AXIN1: variants seen among roughly 807,000 people sequenced by gnomAD.
AXIN1 encodes axin-1.
AXIN1 carries 30 observed loss-of-function variants against 76.4 expected under a neutral mutation model. That is an observed-to-expected ratio of 0.39 (90% confidence interval 0.29 to 0.53). The LOEUF (loss-of-function observed/expected upper bound fraction) is 0.53, where lower values mean the gene tolerates loss of function less well. Ranked by LOEUF, AXIN1 falls within the 20% of genes least tolerant of loss-of-function variation. AXIN1 has a pLI of 0.66. For missense variants in AXIN1, 1,140 were observed against 1,198.8 expected (o/e 0.95, Z 0.72); for synonymous variants, 545 against 501.4 (o/e 1.09, Z -1.16).
Position 296,496 on chromosome 16 carries a change from C to T in AXIN1, c.1955+560G>A, listed in dbSNP as rs534574621. ...CGGGCACGAGTGCAGGCCCAGGGGG[C>T]GAGCAGGAGCAACACCAAGACCGGC... On this transcript the variant is annotated intron_variant, in intron 7 of 10. Coordinates refer to ENST00000262320, the MANE Select transcript of AXIN1 (RefSeq NM_003502.4). Among the ~76,000 whole-genome samples the T allele has an allele frequency of 1.3e-4, 20 of 152,286 alleles. No individual in the cohort carries two copies. The East Asian group carries it at 3.7e-3, about 28-fold the overall frequency.
chr16:298,666 C>A (rs1306948432), intron 5 of AXIN1, among the ~76,000 whole-genome samples: 1 of 152,178 alleles, frequency 6.6e-6, no homozygotes, highest in Non-Finnish European at 1.5e-5. Flanking sequence ...TGCCACCACG[C>A]CCAGCTAATT....
chr16:340,599 T>A (rs2053897087), intron 2 of AXIN1, among the ~76,000 whole-genome samples: 1 of 152,188 alleles, frequency 6.6e-6, no homozygotes, highest in African/African-American at 2.4e-5. Context: ...TGCCTGCTGA[T>A]CCACACCGCT....
In AXIN1 at chr16:293,480, G is replaced by A. The variant is rs760350122; in HGVS notation, c.2186+8C>T. On this transcript the variant is annotated splice_region_variant and intron_variant, in intron 8 of 10. Coordinates refer to ENST00000262320, the MANE Select transcript of AXIN1 (RefSeq NM_003502.4). This position sits in a 1 kb window ranked among gnomAD's most constrained non-coding sequence, Gnocchi z 4.6. ...CAAGACCCACCCCACCCCACGACGCGGCCGTACCTCTGCTTGGAGGGTGCT... is the reference window on the plus strand; with the variant it reads ...CAAGACCCACCCCACCCCACGACGCAGCCGTACCTCTGCTTGGAGGGTGCT... 4.9e-5 allele frequency: 79 copies of A among 1,607,732 alleles called. No homozygotes were observed. The highest frequency in any genetic ancestry group is 2.5e-4 in the Admixed American group (15 of 60,002).
intron 4 of AXIN1, among the ~76,000 whole-genome samples, chr16:305,700 T>TGC (rs2053003441): frequency 2.0e-5 from 3 of 151,914 alleles, no homozygotes; most frequent in Non-Finnish European, 4.4e-5. Flanking sequence ...CCTGCCACCA[T>TGC]GCCCGGCTAA....
intron 2 of AXIN1, among the ~76,000 whole-genome samples, chr16:341,581 C>T (rs950722843): frequency 1.3e-5 from 2 of 152,254 alleles, no homozygotes; most frequent in Non-Finnish European, 2.9e-5. Flanking sequence ...CCGAGTCTCC[C>T]CGACGAGCGC....
chr16:291,107 G>A (rs1269444669), intron 9 of AXIN1, 83 bp downstream of exon 9: 1 of 1,333,966 alleles, frequency 7.5e-7, no homozygotes, highest in African/African-American at 1.5e-5. Flanking sequence ...CAAGCCCCGG[G>A]ACGGCGGCTC....
chr16:333,754 T>C (rs374933478), intron 2 of AXIN1, among the ~76,000 whole-genome samples: 2 of 152,032 alleles, frequency 1.3e-5, no homozygotes, highest in South Asian at 2.1e-4. Flanking sequence ...CAAGTTCTTT[T>C]GGCATGAGCG....
intron 8 of AXIN1, 66 bp from the exon 9 acceptor site, chr16:291,363 A>C: frequency 7.4e-7 from 1 of 1,349,970 alleles, no homozygotes; most frequent in Non-Finnish European, 1.0e-6. Flanking sequence ...GGGAGCCTCG[A>C]CCAATGCTGC....
At chr16:307,017 C>T (rs1163581256) in intron 4 of AXIN1, among the ~76,000 whole-genome samples, 1 of 152,244 alleles carries the variant, frequency 6.6e-6, no homozygotes, top group Non-Finnish European at 1.5e-5. Context: ...GCTGGCTTTT[C>T]CGTGCCCAGT....
chr16:321,858 C>T (rs2053466608), intron 2 of AXIN1, among the ~76,000 whole-genome samples: 1 of 152,246 alleles, frequency 6.6e-6, no homozygotes, highest in African/African-American at 2.4e-5. Context: ...ACAGCCTTGC[C>T]CTTCGTTGAC....
intron 2 of AXIN1, among the ~76,000 whole-genome samples, chr16:321,991 C>G (rs959079727): frequency 1.3e-5 from 2 of 152,328 alleles, no homozygotes; most frequent in Middle Eastern, 3.4e-3. Flanking sequence ...GCTGGAAACA[C>G]ACATCTGTGA....
At chr16:326,892 A>C (rs528359627) in intron 2 of AXIN1, among the ~76,000 whole-genome samples, 56 of 151,370 alleles carry the variant, frequency 3.7e-4, no homozygotes, top group African/African-American at 1.4e-3. Context: ...TGTAATCCCA[A>C]CAGTTTGGGA....
intron 1 of AXIN1, among the ~76,000 whole-genome samples, chr16:350,274 C>T (rs907120202): frequency 7.2e-5 from 11 of 151,968 alleles, no homozygotes; most frequent in African/African-American, 2.7e-4. Flanking sequence ...TCTGGGTTCC[C>T]ACAGGGAAGC....
intron 2 of AXIN1, among the ~76,000 whole-genome samples, chr16:319,265 G>C (rs959802204): frequency 6.6e-6 from 1 of 152,162 alleles, no homozygotes; most frequent in Non-Finnish European, 1.5e-5. Context: ...TGGAGCCCGG[G>C]AGTCTGCAGT....
rs544629330 is a variant in AXIN1, at chr16:298,090, G to C, written c.1416C>G (p.Asp472Glu). Residue 472 changes from aspartate (D) to glutamate (E), a missense_variant, in exon 6 of 11, where the codon GAC becomes GAG. Physicochemically the swap from Asp to Glu is conservative, Grantham distance 45. This residue lies in a region of AXIN1 where 708 missense variants were observed against 776.9 expected (regional missense o/e 0.91). Transcript: ENST00000262320. ...TCCTCAGCACACGCTGTACGTGCTC[G>C]TCCAGGATGCTCTCAGGGTTCTCCT... ...AHEENPESIL[D>E]EHVQRVLRTP... The C allele has an allele frequency of 6.4e-6, 10 of 1,553,016 alleles. No homozygotes were observed. The highest frequency in any genetic ancestry group is 8.7e-6 in the Non-Finnish European group (10 of 1,152,970).
intron 2 of AXIN1, among the ~76,000 whole-genome samples, chr16:337,773 GC>G (rs2141674581): frequency 6.6e-6 from 1 of 152,376 alleles, no homozygotes; most frequent in African/African-American, 2.4e-5. Context: ...TCCGGACAGG[GC>G]CCAGGGTCCT....
Position 298,190 on chromosome 16 carries a change from G to C in AXIN1, c.1316C>G (p.Pro439Arg). 1 of 1,541,918 alleles carries C rather than the reference G, an allele frequency of 6.5e-7. No individual in the cohort carries two copies. Among genetic ancestry groups the C allele is most frequent in the Non-Finnish European group, 8.7e-7 (1 of 1,147,326 alleles). Residue 439 changes from proline (P) to arginine (R), a missense_variant, in exon 6 of 11, where the codon CCT becomes CGT. By Grantham distance (103) the Pro-to-Arg change is moderately radical. This residue lies in a region of AXIN1 where 708 missense variants were observed against 776.9 expected (regional missense o/e 0.91). Transcript: ENST00000262320. ...GAAGTGGTGCCAAGCGGGGGCGGGA[G>C]GCAGCTTGTGACACGGCCCTGGGGG... ...SGPPGPCHKL[P>R]PAPAWHHFPP...
At chr16:319,156 C>T (rs61712267) in intron 2 of AXIN1, among the ~76,000 whole-genome samples, 3,387 of 152,200 alleles carry the variant, frequency 0.022, 147 homozygotes, top group African/African-American at 0.077. Flanking sequence ...ACAGACTCCT[C>T]GCAACTCTTC....
intron 4 of AXIN1, 120 bp downstream of exon 4, chr16:309,853 C>G (rs539080357): frequency 5.3e-6 from 5 of 936,718 alleles, no homozygotes; most frequent in African/African-American, 4.9e-5. Flanking sequence ...CACACGCTTA[C>G]GCCTAGAGGT....
Sources: gnomAD v4.1 joint callset for allele counts (sites outside exome capture counted in the v4.1 genomes callset) on GRCh38, gnomAD v4.1.1 for gene constraint, gnomAD v4.1.1 regional missense constraint, Gnocchi (gnomAD v3.1) non-coding constraint, MANE v1.5 for transcripts, NCBI Gene and HGNC (gene_info 2026-07-23, HGNC 2026-07-21) for gene names.